Variants in LAMA2 observed in about 807,000 individuals in gnomAD.
The protein encoded by LAMA2 is laminin subunit alpha 2.
Under a neutral mutation model 364.8 loss-of-function variants are expected in LAMA2, and 269 were observed. The ratio of observed to expected loss-of-function variants is 0.74; its 90% confidence interval spans 0.67 to 0.82. LAMA2 has a LOEUF of 0.82. Ranked by LOEUF, LAMA2 falls within the 40% of genes least tolerant of loss-of-function variation. The pLI is 0.00. For missense variants in LAMA2, 3,807 were observed against 3,873.2 expected, an observed-to-expected ratio of 0.98 and a Z score of 0.45; for synonymous variants, 1,379 against 1,370.6, an observed-to-expected ratio of 1.01 and a Z score of -0.14.
At chr6:128,973,883 G>A (rs1182688544) in intron 1 of LAMA2, among the ~76,000 whole-genome samples, 4 of 152,124 alleles carry the variant, frequency 2.6e-5, no homozygotes, top group African/African-American at 9.7e-5. Context: ...GATGGAGTTC[G>A]TGCTTTGTGG....
intron 40 of LAMA2, 104 bp from the exon 41 acceptor site, chr6:129,427,648 A>C: frequency 1.3e-6 from 1 of 792,778 alleles, no homozygotes; most frequent in Non-Finnish European, 2.3e-6. Flanking sequence ...TGCAGCCCAG[A>C]GCTCTTTCCT....
intron 1 of LAMA2, among the ~76,000 whole-genome samples, chr6:128,981,521 T>A (rs1655744846): frequency 1.4e-5 from 2 of 145,336 alleles, no homozygotes; most frequent in Non-Finnish European, 3.0e-5. Context: ...GGCCAGCAGA[T>A]CACTTGAGCT....
rs201853235 is a variant in LAMA2 at position 129,438,641 on chromosome 6, C to T, written c.5969-5C>T. On this transcript the variant is annotated splice_polypyrimidine_tract_variant and splice_region_variant and intron_variant, in intron 41 of 64. Transcript: ENST00000421865. The stretch of plus-strand genomic sequence containing the variant: ...TTAATCCTTTTTTTTGTTTTTTATT[C>T]GCAGAAAATGAAGACCATCTAAATG... 444 of 1,466,316 alleles carry T rather than the reference C, an allele frequency of 3.0e-4. No individual in the cohort carries two copies. The highest frequency in any genetic ancestry group is 1.3e-3 in the African/African-American group (96 of 71,900). 90.8% of individuals were successfully genotyped at this position (1,466,316 alleles called of 1,614,324 possible).
intron 30 of LAMA2, 33 bp downstream of exon 30, chr6:129,342,500 T>G (rs750425864): frequency 8.1e-6 from 13 of 1,607,288 alleles, no homozygotes; most frequent in Non-Finnish European, 8.5e-7. Context: ...TATTTCCCAA[T>G]CAGAAACGCC....
chr6:129,230,028 A>G (rs1275774169), intron 12 of LAMA2, among the ~76,000 whole-genome samples: 1 of 152,194 alleles, frequency 6.6e-6, no homozygotes, highest in Non-Finnish European at 1.5e-5. Flanking sequence ...TCATCAATCC[A>G]TATGTCATTT....
chr6:129,306,815 A>G (rs990339158), intron 22 of LAMA2, among the ~76,000 whole-genome samples: 1 of 151,978 alleles, frequency 6.6e-6, no homozygotes, highest in Admixed American at 6.6e-5. Flanking sequence ...TGGACATTGT[A>G]TATCTTTTAT....
chr6:128,942,342 G>A (rs939010701), intron 1 of LAMA2, among the ~76,000 whole-genome samples: 1 of 151,948 alleles, frequency 6.6e-6, no homozygotes, highest in African/African-American at 2.4e-5. Flanking sequence ...TTTAAAAAGT[G>A]TTCTATTGTA....
chr6:129,048,531 TCC>T (rs1452948711), intron 1 of LAMA2, among the ~76,000 whole-genome samples: 1,397 of 65,096 alleles, frequency 0.021, 42 homozygotes, highest in Non-Finnish European at 0.029. Flanking sequence ...CTTCCTTCCT[TCC>T]TTCCTTCCTT....
At chr6:128,916,212 CA>C (rs561468389) in intron 1 of LAMA2, among the ~76,000 whole-genome samples, 4 of 150,678 alleles carry the variant, frequency 2.7e-5, no homozygotes, top group East Asian at 1.9e-4. Context: ...AGGTGAACAA[CA>C]AAAAAAACAA....
intron 1 of LAMA2, among the ~76,000 whole-genome samples, chr6:128,931,149 G>A (rs772733693): frequency 2.6e-5 from 4 of 152,112 alleles, no homozygotes; most frequent in Non-Finnish European, 5.9e-5. Context: ...TAACTAACCT[G>A]TCTCTATAGC....
At chr6:129,075,434 A>G (rs1205853589) in intron 3 of LAMA2, among the ~76,000 whole-genome samples, 1 of 152,218 alleles carries the variant, frequency 6.6e-6, no homozygotes, top group African/African-American at 2.4e-5. Context: ...GTATTTAAGC[A>G]GGTGTAACAT....
chr6:129,033,944 G>A (rs902955267), intron 1 of LAMA2, among the ~76,000 whole-genome samples: 1 of 150,958 alleles, frequency 6.6e-6, no homozygotes, highest in East Asian at 2.0e-4. Flanking sequence ...GATGATTTAG[G>A]ATTGTTCTAC....
intron 17 of LAMA2, 64 bp from the exon 18 acceptor site, chr6:129,279,997 A>T: frequency 9.4e-7 from 1 of 1,061,112 alleles, no homozygotes; most frequent in Non-Finnish European, 1.5e-6. Context: ...AAATGAGAAA[A>T]TGCTAATGAC....
rs578017073 is a variant in LAMA2, at chr6:129,091,686, T to A, written c.397-6487T>A. On this transcript the variant is annotated intron_variant, in intron 3 of 64. Coordinates refer to ENST00000421865, the MANE Select transcript of LAMA2 (RefSeq NM_000426.4). ...TTTACCTGAAGATAGAAAATATGGG[T>A]GGGCAAGCTCCTCCTGAACTCCCCA... 2.0e-5 allele frequency among the ~76,000 whole-genome samples: 3 copies of A among 152,260 alleles called. No individual in the cohort carries two copies. The South Asian group carries it at 6.2e-4, about 32-fold the overall frequency.
rs1461267756 is a variant in LAMA2, at chr6:129,505,363, T to C, written c.8703+8T>C. On this transcript the variant is annotated splice_region_variant and intron_variant, in intron 61 of 64. Transcript: ENST00000421865. ...ACCCGAAGAATTGGTCCAGTAAATA[T>C]CTGATTTCTTCTTTATTACTTAAAT... 6.2e-7 allele frequency: 1 copy of C among 1,603,874 alleles called. No individual in the cohort carries two copies. The highest frequency in any genetic ancestry group is 8.5e-7 in the Non-Finnish European group (1 of 1,170,690).
In LAMA2 at chr6:129,060,775, C is replaced by G. The variant is rs576446858; in HGVS notation, c.396+879C>G. 1.2e-4 allele frequency among the ~76,000 whole-genome samples: 19 copies of G among 152,318 alleles called. 1 individual carries two copies. Among genetic ancestry groups the G allele is most frequent in the African/African-American group, 3.8e-4 (16 of 41,582 alleles). On this transcript the variant is annotated intron_variant, in intron 3 of 64. Coordinates refer to ENST00000421865, the MANE Select transcript of LAMA2 (RefSeq NM_000426.4). ...TGCCACCAGCATGAGTACAATCTCC[C>G]TCCTCCAGTGTCTAGGTTCATTTTG...
intron 1 of LAMA2, among the ~76,000 whole-genome samples, chr6:128,985,595 T>G (rs1308719438): frequency 6.6e-6 from 1 of 152,140 alleles, no homozygotes; most frequent in Non-Finnish European, 1.5e-5. Flanking sequence ...TGAAAAAATT[T>G]GAACATATAA....
chr6:129,333,414 T>C (rs570467186), intron 29 of LAMA2, among the ~76,000 whole-genome samples: 2 of 152,332 alleles, frequency 1.3e-5, no homozygotes, highest in South Asian at 4.1e-4. Flanking sequence ...AACTGCTTTC[T>C]ATTCCTAGCT....
rs188519696 is a variant in LAMA2 at position 128,913,535 on chromosome 6, G to A, written c.112+30178G>A. Among the ~76,000 whole-genome samples, 8 of 152,228 alleles carry A rather than the reference G, an allele frequency of 5.3e-5. No individual in the cohort carries two copies. In the East Asian group the frequency reaches 1.5e-3, roughly 29 times the overall value. On this transcript the variant is annotated intron_variant, in intron 1 of 64. Coordinates refer to ENST00000421865, the MANE Select transcript of LAMA2 (RefSeq NM_000426.4). ...AATTGGTTTTACTTACTGACTATGG[G>A]CATTTTAATACAAGATTCCATTTTA...
Sources: gnomAD v4.1 joint callset for allele counts (sites outside exome capture counted in the v4.1 genomes callset) on GRCh38, gnomAD v4.1.1 for gene constraint, MANE v1.5 for transcripts, NCBI Gene and HGNC (gene_info 2026-07-23, HGNC 2026-07-21) for gene names.